HYCC2: variants seen among roughly 807,000 people sequenced by gnomAD.
The protein encoded by HYCC2 is hyccin 2.
chr2:201,011,691 T>C, the HYCC2 span, among the ~76,000 whole-genome samples: 7 of 152,172 alleles, frequency 4.6e-5, no homozygotes, highest in African/African-American at 1.7e-4. Context: ...CACAGAGAGA[T>C]GGACATTGAG....
chr2:201,043,512 C>CTT, the HYCC2 span, among the ~76,000 whole-genome samples: 4 of 133,588 alleles, frequency 3.0e-5, no homozygotes, highest in African/African-American at 8.1e-5. Flanking sequence ...TTCTTTTTTT[C>CTT]TTTTTTTTTT....
the HYCC2 span, among the ~76,000 whole-genome samples, chr2:201,003,865 A>ACAG: frequency 4.8e-5 from 6 of 125,236 alleles, no homozygotes; most frequent in Admixed American, 4.2e-4. Flanking sequence ...AGGATGCAGT[A>ACAG]CAGTGGCACA....
the HYCC2 span, among the ~76,000 whole-genome samples, chr2:201,037,827 C>T: frequency 2.4e-3 from 366 of 152,186 alleles, 3 homozygotes; most frequent in African/African-American, 8.5e-3. Context: ...AGGACATAGG[C>T]ATGGGCAAGG....
the HYCC2 span, chr2:200,988,442 T>C: frequency 1.3e-6 from 2 of 1,577,008 alleles, no homozygotes; most frequent in Non-Finnish European, 1.7e-6. Context: ...AATATAAGTC[T>C]ATACAAGTTT....
chr2:201,049,541 G>T, the HYCC2 span, among the ~76,000 whole-genome samples: 1 of 150,164 alleles, frequency 6.7e-6, no homozygotes, highest in African/African-American at 2.5e-5. Flanking sequence ...TTTTAGTAGA[G>T]ACGGGGTTTC....
the HYCC2 span, chr2:201,064,017 G>C: frequency 6.3e-7 from 1 of 1,595,842 alleles, no homozygotes; most frequent in Non-Finnish European, 8.5e-7. Context: ...GGTTCCAGCA[G>C]TAGCAGTAGC....
the HYCC2 span, among the ~76,000 whole-genome samples, chr2:201,013,012 T>C: frequency 1.4e-5 from 2 of 147,096 alleles, no homozygotes; most frequent in Admixed American, 6.8e-5. Context: ...ATCAGAGGAG[T>C]GAAAACTGCA....
the HYCC2 span, among the ~76,000 whole-genome samples, chr2:201,041,453 T>TCCAGCCTAGAATGCTGTC: frequency 7.2e-5 from 11 of 152,228 alleles, no homozygotes; most frequent in African/African-American, 1.9e-4. Flanking sequence ...TGCAGGCTGT[T>TCCAGCCTAGAATGCTGTC]CCAGCCTAGA....
chr2:201,058,961 C>T, the HYCC2 span, among the ~76,000 whole-genome samples: 4 of 152,304 alleles, frequency 2.6e-5, no homozygotes, highest in South Asian at 8.3e-4. Context: ...AAAGCCTGAA[C>T]AGACAAAAAG....
the HYCC2 span, among the ~76,000 whole-genome samples, chr2:201,028,422 A>G: frequency 1.3e-5 from 2 of 152,194 alleles, no homozygotes; most frequent in Non-Finnish European, 2.9e-5. Flanking sequence ...CATCCCCAAC[A>G]AGCTACCAAT....
chr2:201,023,375 C>T, the HYCC2 span, among the ~76,000 whole-genome samples: 1 of 151,860 alleles, frequency 6.6e-6, no homozygotes, highest in Non-Finnish European at 1.5e-5. Flanking sequence ...AAAGAAGCAT[C>T]AGAGTTCAAA....
At chr2:201,027,667 A>C in the HYCC2 span, among the ~76,000 whole-genome samples, 3 of 152,200 alleles carry the variant, frequency 2.0e-5, no homozygotes, top group African/African-American at 7.2e-5. Flanking sequence ...AACATACGCA[A>C]ATCAATAAAC....
the HYCC2 span, chr2:200,992,488 C>T: frequency 5.8e-5 from 42 of 720,590 alleles, 1 homozygote; most frequent in African/African-American, 2.1e-4. Flanking sequence ...CCAAGTGTTA[C>T]GTCATTTCAT....
the HYCC2 span, chr2:200,980,475 T>C: frequency 1.3e-5 from 2 of 152,598 alleles, no homozygotes; most frequent in Admixed American, 6.5e-5. Flanking sequence ...GATTTGTTAG[T>C]TGGCCAAACT....
the HYCC2 span, among the ~76,000 whole-genome samples, chr2:201,064,544 A>T: frequency 6.6e-6 from 1 of 152,184 alleles, no homozygotes; most frequent in African/African-American, 2.4e-5. Flanking sequence ...ACCTTGGTGT[A>T]GTTGAACTGA....
At chr2:201,064,743 C>T in the HYCC2 span, among the ~76,000 whole-genome samples, 2 of 152,078 alleles carry the variant, frequency 1.3e-5, no homozygotes, top group Non-Finnish European at 2.9e-5. Flanking sequence ...AATCAATAAA[C>T]GATTTAATTC....
chr2:201,066,164 C>T, the HYCC2 span, among the ~76,000 whole-genome samples: 1 of 151,872 alleles, frequency 6.6e-6, no homozygotes, highest in Non-Finnish European at 1.5e-5. Context: ...ACCTCCACTT[C>T]CTAGGTTCAA....
the HYCC2 span, among the ~76,000 whole-genome samples, chr2:201,042,836 G>A: frequency 6.8e-6 from 1 of 146,794 alleles, no homozygotes; most frequent in Middle Eastern, 3.9e-3. Context: ...CTGCCCGGCC[G>A]CCACCCCGTC....
chr2:201,042,123 G>A, the HYCC2 span, among the ~76,000 whole-genome samples: 5 of 152,188 alleles, frequency 3.3e-5, no homozygotes, highest in Non-Finnish European at 7.3e-5. Context: ...CACCTGACTG[G>A]TTTTCGTATT....
Sources: allele counts gnomAD v4.1 joint callset (sites outside exome capture counted in the v4.1 genomes callset), GRCh38; gene constraint gnomAD v4.1.1; transcripts MANE v1.5; gene names NCBI Gene and HGNC (gene_info 2026-07-23, HGNC 2026-07-21).